Variants in MFHAS1 observed in about 807,000 individuals in gnomAD.
MFHAS1 encodes the protein multifunctional ROCO family signaling regulator 1.
In MFHAS1, 50 loss-of-function variants were observed where a neutral mutation model predicts 70.4. The observed-to-expected ratio is 0.71, with a 90% confidence interval of 0.57 to 0.90. The LOEUF is 0.90. Ranked by LOEUF, MFHAS1 falls within the 40% of genes least tolerant of loss-of-function variation. The pLI is 0.00. For synonymous variants in MFHAS1, 952 were observed against 620.0 expected, an observed-to-expected ratio of 1.54 and a Z score of -7.96; for missense variants, 1,795 against 1,347.6, an observed-to-expected ratio of 1.33 and a Z score of -5.20.
chr8:8,803,214 T>G (rs1806143861), intron 1 of MFHAS1, among the ~76,000 whole-genome samples: 1 of 152,044 alleles, frequency 6.6e-6, no homozygotes, highest in Non-Finnish European at 1.5e-5. Context: ...AAAAATTGTT[T>G]TTAAACTGCA....
chr8:8,868,864 G>C (rs1808963345), intron 1 of MFHAS1, among the ~76,000 whole-genome samples: 1 of 152,084 alleles, frequency 6.6e-6, no homozygotes. Flanking sequence ...TCTTTGCTAG[G>C]GGAAGAGAAA....
At chr8:8,819,944 C>T (rs1055970871) in intron 1 of MFHAS1, among the ~76,000 whole-genome samples, 6 of 152,124 alleles carry the variant, frequency 3.9e-5, no homozygotes, top group South Asian at 4.1e-4. Flanking sequence ...ACTATCCTCC[C>T]GCCTCGGCCT....
chr8:8,882,738 G>T (rs544440567), intron 1 of MFHAS1, among the ~76,000 whole-genome samples: 102 of 152,364 alleles, frequency 6.7e-4, no homozygotes, highest in African/African-American at 2.4e-3. Context: ...TGCTAGAGCA[G>T]CCTTGGAGAA....
Position 8,785,567 on chromosome 8 carries a change from A to C in MFHAS1, c.*455T>G, listed in dbSNP as rs1018499831. ...AATGTATTTGCATATTATAAAAATA[A>C]AGATAAACATATACATATTTTACAC... On this transcript the variant is annotated 3_prime_UTR_variant, in exon 3 of 3. Transcript: ENST00000276282. 2 of 156,960 alleles carry C rather than the reference A, an allele frequency of 1.3e-5. No homozygotes were observed. The highest frequency in any genetic ancestry group is 4.8e-5 in the African/African-American group (2 of 41,536). The allele number at this position is 156,960 out of a possible 1,614,324, so 9.7% of individuals were successfully genotyped here. A position where few individuals can be genotyped will look rare whatever the true frequency, so the allele number is the denominator to read the frequency against.
At position 8,847,969 on chromosome 8, in the gene MFHAS1, T is replaced by G. The variant is rs115017246; in HGVS notation, c.2998+42092A>C. Among the ~76,000 whole-genome samples, 649 of 152,320 alleles carry G rather than the reference T, an allele frequency of 4.3e-3. 6 individuals are homozygous for G. Among genetic ancestry groups the G allele is most frequent in the African/African-American group, 0.015 (626 of 41,562 alleles). ...TTGCTGTGATGCACACATGTAACAT[T>G]AAAAACACTATCCAAACATCCTTCC... On this transcript the variant is annotated intron_variant, in intron 1 of 2. Coordinates refer to ENST00000276282, the MANE Select transcript of MFHAS1 (RefSeq NM_004225.3).
chr8:8,886,195 T>C (rs912153471), intron 1 of MFHAS1, among the ~76,000 whole-genome samples: 1 of 152,182 alleles, frequency 6.6e-6, no homozygotes, highest in Non-Finnish European at 1.5e-5. Flanking sequence ...TTCTTTTTTT[T>C]TTTTTAAGAG....
At chr8:8,836,092 A>G (rs1225801837) in intron 1 of MFHAS1, among the ~76,000 whole-genome samples, 1 of 152,230 alleles carries the variant, frequency 6.6e-6, no homozygotes, top group Non-Finnish European at 1.5e-5. Flanking sequence ...CAACATGCTG[A>G]ACCATGCAAG....
intron 1 of MFHAS1, among the ~76,000 whole-genome samples, chr8:8,881,109 T>G (rs905789760): frequency 6.6e-6 from 1 of 152,204 alleles, no homozygotes; most frequent in African/African-American, 2.4e-5. Flanking sequence ...GTGCACTTTT[T>G]AGACTCTTTG....
intron 2 of MFHAS1, among the ~76,000 whole-genome samples, chr8:8,795,523 A>C (rs1293856817): frequency 6.6e-6 from 1 of 152,262 alleles, no homozygotes; most frequent in Non-Finnish European, 1.5e-5. Flanking sequence ...TAGTACTCTG[A>C]ATACAAGAGC....
rs1810000596 is a variant in MFHAS1 at position 8,891,064 on chromosome 8, C to A, written c.1995G>T (p.Val665=). 1 of 1,613,594 alleles carries A rather than the reference C, an allele frequency of 6.2e-7. No homozygotes were observed. Among genetic ancestry groups the A allele is most frequent in the Non-Finnish European group, 8.5e-7 (1 of 1,179,892 alleles). Residue 665 remains valine, a synonymous_variant, in exon 1 of 3, where the codon GTG becomes GTT. Transcript: ENST00000276282. The surrounding 1 kb of genome is among the most constrained non-coding windows in gnomAD (Gnocchi z 5.4). ...LHRVLPRSWQ[V]LEELHFQPPQ... ...GTGGCTGGAAATGCAGTTCCTCCAG[C>A]ACCTGCCAGGATCGAGGCAGTACTC...
At chr8:8,798,534 GAT>G (rs1805982850) in intron 1 of MFHAS1, among the ~76,000 whole-genome samples, 1 of 151,966 alleles carries the variant, frequency 6.6e-6, no homozygotes, top group African/African-American at 2.4e-5. Flanking sequence ...CAGGAGTCTC[GAT>G]ATGTTTCCCA....
intron 1 of MFHAS1, among the ~76,000 whole-genome samples, chr8:8,864,126 A>C (rs889309209): frequency 2.6e-5 from 4 of 152,246 alleles, no homozygotes; most frequent in African/African-American, 7.2e-5. Context: ...CCATGGCTGC[A>C]GTACCCGATT....
intron 1 of MFHAS1, among the ~76,000 whole-genome samples, chr8:8,799,576 T>C (rs1806017117): frequency 1.3e-5 from 2 of 152,120 alleles, no homozygotes; most frequent in African/African-American, 4.8e-5. Flanking sequence ...GCCAACATGG[T>C]AAAACCCAGT....
intron 1 of MFHAS1, among the ~76,000 whole-genome samples, chr8:8,887,189 T>G (rs1454750823): frequency 6.6e-6 from 1 of 152,140 alleles, no homozygotes; most frequent in Non-Finnish European, 1.5e-5. Context: ...TTCAAAGGGT[T>G]TCTGCTGAAT....
rs545836527 is a variant in MFHAS1, at chr8:8,866,773, G to A, written c.2998+23288C>T. Among the ~76,000 whole-genome samples the A allele has an allele frequency of 9.2e-5, 14 of 152,264 alleles. No homozygotes were observed. In the South Asian group the frequency reaches 1.9e-3, roughly 20 times the overall value. On this transcript the variant is annotated intron_variant, in intron 1 of 2. Transcript: ENST00000276282. ...AGAATGGCATGAATGGGACGGAAAC[G>A]GTTCATATGACTACTTGGATATCTC...
At chr8:8,837,294 G>C (rs1387597480) in intron 1 of MFHAS1, among the ~76,000 whole-genome samples, 1 of 152,134 alleles carries the variant, frequency 6.6e-6, no homozygotes, top group Non-Finnish European at 1.5e-5. Context: ...AAAAAGCAAT[G>C]CAGCAAAGGA....
intron 1 of MFHAS1, among the ~76,000 whole-genome samples, chr8:8,840,398 A>G (rs1807770367): frequency 2.0e-5 from 3 of 149,468 alleles, no homozygotes; most frequent in Admixed American, 1.4e-4. Flanking sequence ...CGGAGCTTGC[A>G]GTGAGCCGAG....
intron 1 of MFHAS1, among the ~76,000 whole-genome samples, chr8:8,866,763 G>C (rs1186191868): frequency 6.6e-6 from 1 of 152,172 alleles, no homozygotes; most frequent in South Asian, 2.1e-4. Flanking sequence ...GGCATGAATG[G>C]GACGGAAACG....
chr8:8,845,506 A>G (rs1282406045), intron 1 of MFHAS1, among the ~76,000 whole-genome samples: 2 of 152,176 alleles, frequency 1.3e-5, no homozygotes, highest in Non-Finnish European at 2.9e-5. Context: ...CAGGTTCTCA[A>G]TGAGACACTT....
Sources: gnomAD v4.1 joint callset for allele counts (sites outside exome capture counted in the v4.1 genomes callset) on GRCh38, gnomAD v4.1.1 for gene constraint, Gnocchi (gnomAD v3.1) non-coding constraint, MANE v1.5 for transcripts, NCBI Gene and HGNC (gene_info 2026-07-23, HGNC 2026-07-21) for gene names.